Variants in FRMPD2 observed in about 807,000 individuals in gnomAD.
FRMPD2 encodes the protein FERM and PDZ domain-containing protein 2.
Under a neutral mutation model 140.1 loss-of-function variants are expected in FRMPD2, and 96 were observed. The ratio of observed to expected loss-of-function variants is 0.69; its 90% confidence interval spans 0.58 to 0.81. FRMPD2 has a LOEUF of 0.81. Ranked by LOEUF, FRMPD2 falls within the 40% of genes least tolerant of loss-of-function variation. FRMPD2 has a pLI of 0.00. For synonymous variants in FRMPD2, 449 were observed against 547.6 expected, an observed-to-expected ratio of 0.82 and a Z score of 2.52; for missense variants, 1,240 against 1,447.4, an observed-to-expected ratio of 0.86 and a Z score of 2.32.
At chr10:48,259,540 A>G (rs1482412803) in intron 1 of FRMPD2, among the ~76,000 whole-genome samples, 1 of 152,162 alleles carries the variant, frequency 6.6e-6, no homozygotes, top group Non-Finnish European at 1.5e-5. Flanking sequence ...AAGAAGAACG[A>G]TTTCACATGA....
chr10:48,200,184 AT>A lies in FRMPD2; in HGVS notation c.1954+1043del, dbSNP rs1465847910. 1.5e-4 allele frequency among the ~76,000 whole-genome samples: 22 copies of A among 149,484 alleles called. 1 individual carries two copies. Among genetic ancestry groups the A allele is most frequent in the South Asian group, 2.1e-4 (1 of 4,770 alleles). ...AATAAATAAATAAATAAATAAATAA[AT>A]AAATAAATAAATAAAACAGAGCCAA... On this transcript the variant is annotated intron_variant, in intron 15 of 28. Coordinates refer to ENST00000374201, the MANE Select transcript of FRMPD2 (RefSeq NM_001018071.4).
intron 13 of FRMPD2, among the ~76,000 whole-genome samples, chr10:48,209,502 T>C (rs537716441): frequency 1.3e-5 from 2 of 152,292 alleles, no homozygotes; most frequent in South Asian, 4.1e-4. Flanking sequence ...AGAGCTAGCC[T>C]CCCAATAATG....
At position 48,184,631 on chromosome 10, in the gene FRMPD2, T is replaced by A; in HGVS notation, c.2519A>T (p.Asn840Ile). 6.2e-7 allele frequency: 1 copy of A among 1,613,848 alleles called. No homozygotes were observed. Among genetic ancestry groups the A allele is most frequent in the Non-Finnish European group, 8.5e-7 (1 of 1,179,716 alleles). Residue 840 changes from asparagine to isoleucine, a missense_variant, in exon 20 of 29, where the codon AAC becomes ATC. Asn to Ile is a moderately radical substitution (Grantham distance 149, BLOSUM62 -3). Around this residue, in one of 6 missense-constraint regions of FRMPD2, gnomAD observed 1,161 missense variants for 1,055.9 expected, o/e 1.10. Transcript: ENST00000374201. The part of the protein sequence containing the change: ...NHISLEGFTF[N>I]MAVRMIQNSP... ...ATTCTGGATCATCCTAACAGCCATG[T>A]TGAATGTGAAGCCCTCCAGACTGAT... is the stretch of plus-strand genomic sequence containing the variant.
intron 1 of FRMPD2, among the ~76,000 whole-genome samples, chr10:48,255,693 T>C (rs1840475665): frequency 6.6e-6 from 1 of 152,174 alleles, no homozygotes. Flanking sequence ...AACAAGCTTT[T>C]GGTGTGGGGG....
chr10:48,164,045 C>T (rs1352388677), intron 27 of FRMPD2, among the ~76,000 whole-genome samples: 2 of 150,786 alleles, frequency 1.3e-5, no homozygotes, highest in Non-Finnish European at 2.9e-5. Flanking sequence ...GGCTTGTCTC[C>T]CTGTCTCCAC....
At chr10:48,242,113 C>T in intron 5 of FRMPD2, 48 bp downstream of exon 5, 2 of 1,303,740 alleles carry the variant, frequency 1.5e-6, no homozygotes, top group Non-Finnish European at 2.1e-6. Context: ...TTTTAATAGC[C>T]ACACATGACC....
At chr10:48,163,908 A>G (rs1211164301) in intron 27 of FRMPD2, among the ~76,000 whole-genome samples, 5 of 151,352 alleles carry the variant, frequency 3.3e-5, no homozygotes, top group Non-Finnish European at 5.9e-5. Flanking sequence ...ATTTTTAAAT[A>G]AAAAATATTT....
chr10:48,249,689 C>T (rs1294463455), intron 2 of FRMPD2, among the ~76,000 whole-genome samples: 3 of 152,198 alleles, frequency 2.0e-5, no homozygotes, highest in South Asian at 4.1e-4. Context: ...GCACTGAAGC[C>T]CCCAAGCACG....
rs145281616 is a variant in FRMPD2 at position 48,200,540 on chromosome 10, G to A, written c.1954+688C>T. The stretch of plus-strand genomic sequence containing the variant: ...GTTGTGCCTTCTGGGTTTGCAGACT[G>A]TGACAGGAATAAAGTCTTTTTCCTT... On this transcript the variant is annotated intron_variant, in intron 15 of 28. Transcript: ENST00000374201. Among the ~76,000 whole-genome samples, 10 of 152,322 alleles carry A rather than the reference G, an allele frequency of 6.6e-5. No homozygotes were observed. The East Asian group carries it at 1.5e-3, about 23-fold the overall frequency.
chr10:48,252,667 C>G (rs1286771247), intron 1 of FRMPD2, among the ~76,000 whole-genome samples: 1 of 152,174 alleles, frequency 6.6e-6, no homozygotes, highest in Non-Finnish European at 1.5e-5. Context: ...TGGTCTGCTA[C>G]CTCTCCCTGG....
intron 18 of FRMPD2, among the ~76,000 whole-genome samples, chr10:48,185,267 C>A (rs947333304): frequency 6.6e-6 from 1 of 152,128 alleles, no homozygotes. Context: ...GACTCTTCTT[C>A]CCCATAGCTG....
chr10:48,195,513 C>T (rs17697168), intron 15 of FRMPD2, among the ~76,000 whole-genome samples: 30,062 of 152,116 alleles, frequency 0.2, 3,562 homozygotes, highest in Non-Finnish European at 0.26. Context: ...GATATTTATT[C>T]CAACAAGGAT....
intron 5 of FRMPD2, among the ~76,000 whole-genome samples, chr10:48,241,487 G>A (rs528911166): frequency 6.6e-6 from 1 of 152,218 alleles, no homozygotes; most frequent in African/African-American, 2.4e-5. Context: ...CAGGGGGCCA[G>A]GCTGGGCCTG....
At chr10:48,211,675 A>G (rs958866468) in intron 13 of FRMPD2, among the ~76,000 whole-genome samples, 1 of 151,514 alleles carries the variant, frequency 6.6e-6, no homozygotes, top group Non-Finnish European at 1.5e-5. Context: ...CCAGAGCGAG[A>G]CTCCATCTCA....
At chr10:48,171,719 A>G (rs1838263022) in intron 25 of FRMPD2, among the ~76,000 whole-genome samples, 1 of 151,990 alleles carries the variant, frequency 6.6e-6, no homozygotes, top group African/African-American at 2.4e-5. Flanking sequence ...TGGCTACCAT[A>G]TTGAATAGCA....
intron 4 of FRMPD2, among the ~76,000 whole-genome samples, chr10:48,243,052 C>T (rs537041935): frequency 5.9e-5 from 9 of 152,368 alleles, no homozygotes; most frequent in Admixed American, 3.9e-4. Flanking sequence ...ACTACCGCTT[C>T]TTGCTGGGGA....
intron 20 of FRMPD2, among the ~76,000 whole-genome samples, chr10:48,184,015 T>C (rs1838615773): frequency 6.6e-6 from 1 of 151,970 alleles, no homozygotes; most frequent in South Asian, 2.1e-4. Context: ...TATTGGGCAC[T>C]ATGCTGAGCA....
chr10:48,247,416 A>T (rs1456245866), intron 3 of FRMPD2, among the ~76,000 whole-genome samples: 1 of 152,238 alleles, frequency 6.6e-6, no homozygotes, highest in Admixed American at 6.5e-5. Flanking sequence ...GGGCAATGAC[A>T]GTGTAGAGAA....
chr10:48,174,719 G>C lies in FRMPD2; in HGVS notation c.3075+151C>G, dbSNP rs1312842630. 6.0e-6 allele frequency: 4 copies of C among 664,814 alleles called. No homozygotes were observed. The Admixed American group carries it at 9.5e-5, about 16-fold the overall frequency. 41.2% of individuals were successfully genotyped at this position (664,814 alleles called of 1,614,324 possible). A position where few individuals can be genotyped will look rare whatever the true frequency, so the allele number is the denominator to read the frequency against. On this transcript the variant is annotated intron_variant, in intron 24 of 28. Coordinates refer to ENST00000374201, the MANE Select transcript of FRMPD2 (RefSeq NM_001018071.4). ...TTCACATCCCCATAGAAAAGTGAGG[G>C]TAAGAAGAAATGGAAGAGAAAAAAA...
Sources: allele counts gnomAD v4.1 joint callset (sites outside exome capture counted in the v4.1 genomes callset), GRCh38; gene constraint gnomAD v4.1.1; regional missense constraint gnomAD v4.1.1; transcripts MANE v1.5; gene names NCBI Gene and HGNC (gene_info 2026-07-23, HGNC 2026-07-21).